MAP2K5: variants seen among roughly 807,000 people sequenced by gnomAD.
The protein encoded by MAP2K5 is dual specificity mitogen-activated protein kinase kinase 5.
Under a neutral mutation model 83.1 loss-of-function variants are expected in MAP2K5, and 49 were observed. The ratio of observed to expected loss-of-function variants is 0.59; its 90% confidence interval spans 0.47 to 0.75. The LOEUF is 0.75. Among genes scored for constraint, MAP2K5 ranks in the 30% least tolerant of loss-of-function variants. The probability of loss-of-function intolerance (pLI) is 0.00; values close to 1 mark genes in which losing one functional copy is unlikely to be tolerated. For synonymous variants in MAP2K5, 202 were observed against 191.8 expected (o/e 1.05, Z -0.44); for missense variants, 457 against 557.5 (o/e 0.82, Z 1.82).
chr15:67,662,819 T>C (rs926601350), intron 12 of MAP2K5, among the ~76,000 whole-genome samples: 9 of 152,192 alleles, frequency 5.9e-5, no homozygotes, highest in African/African-American at 1.9e-4. Flanking sequence ...TTTATTTCCT[T>C]GACCTGCCCT....
Position 67,802,680 on chromosome 15 carries a change from G to A in MAP2K5, c.1243-3966G>A, listed in dbSNP as rs1026731. Reference sequence around the variant, plus strand: ...GAAATGGTGCTAACATGCTTTCCGCGTGAAGGACGGAGGCCTAGATGCCTG... The same window carrying A: ...GAAATGGTGCTAACATGCTTTCCGCATGAAGGACGGAGGCCTAGATGCCTG... On this transcript the variant is annotated intron_variant, in intron 21 of 21. Coordinates refer to ENST00000178640, the MANE Select transcript of MAP2K5 (RefSeq NM_145160.3). The surrounding 1 kb of genome is among the most constrained non-coding windows in gnomAD (Gnocchi z 5.0). Among the ~76,000 whole-genome samples, 59,144 of 152,160 alleles carry A rather than the reference G, an allele frequency of 0.39. 12,321 individuals carry two copies. Among genetic ancestry groups the A allele is most frequent in the East Asian group, 0.7 (3,603 of 5,174 alleles).
chr15:67,590,816 C>T (rs181763646), intron 6 of MAP2K5, among the ~76,000 whole-genome samples: 2 of 152,240 alleles, frequency 1.3e-5, no homozygotes, highest in African/African-American at 4.8e-5. Context: ...ACTGCCACCA[C>T]AGTATAATAA....
chr15:67,557,616 C>T (rs1160643157), intron 2 of MAP2K5, among the ~76,000 whole-genome samples: 1 of 152,182 alleles, frequency 6.6e-6, no homozygotes, highest in Non-Finnish European at 1.5e-5. Flanking sequence ...CATTATGTCT[C>T]ATTTTAAATT....
At chr15:67,727,682 G>A (rs1206327128) in intron 16 of MAP2K5, among the ~76,000 whole-genome samples, 1 of 152,206 alleles carries the variant, frequency 6.6e-6, no homozygotes, top group African/African-American at 2.4e-5. Flanking sequence ...TAAGGATAAT[G>A]TTTTGTTATT....
chr15:67,628,886 A>G, intron 8 of MAP2K5: 2 of 748,996 alleles, frequency 2.7e-6, no homozygotes, highest in Middle Eastern at 3.7e-4. Context: ...ATATGGCGGC[A>G]GTGGGGATGG....
In MAP2K5 at chr15:67,806,654, G is replaced by A. The variant is rs947292921; in HGVS notation, c.1251G>A (p.Pro417=). ...CCTCCTCTTCCCCGCAGGGCCACCC[G>A]TTCATCGTGCAGTTCAATGATGGAA... is the stretch of plus-strand genomic sequence containing the variant. ...RPAPEELMGH[P]FIVQFNDGNA... is the part of the protein sequence containing the mutation. Residue 417 remains proline, a synonymous_variant, in exon 22 of 22, where the codon CCG becomes CCA. Coordinates refer to ENST00000178640, the MANE Select transcript of MAP2K5 (RefSeq NM_145160.3). 26 of 1,550,512 alleles carry A rather than the reference G, an allele frequency of 1.7e-5. No individual in the cohort carries two copies. Among genetic ancestry groups the A allele is most frequent in the East Asian group, 2.4e-5 (1 of 40,940 alleles).
intron 19 of MAP2K5, among the ~76,000 whole-genome samples, chr15:67,767,405 C>T (rs2141297696): frequency 6.6e-6 from 1 of 152,250 alleles, no homozygotes; most frequent in South Asian, 2.1e-4. Flanking sequence ...AGATAGCAGG[C>T]TTTTATTTTC....
Position 67,786,032 on chromosome 15 carries a change from A to G in MAP2K5, c.1242+13280A>G, listed in dbSNP as rs1418895578. Among the ~76,000 whole-genome samples the G allele has an allele frequency of 1.5e-4, 19 of 130,378 alleles. No individual in the cohort carries two copies. The highest frequency in any genetic ancestry group is 5.5e-4 in the African/African-American group (19 of 34,282). The allele number at this position is 130,378 out of a possible 152,430, so 85.5% of individuals were successfully genotyped here. A position where few individuals can be genotyped will look rare whatever the true frequency, so the allele number is the denominator to read the frequency against. ...GCTGTTAGGTTGTTTTTTTTTTTTT[A>G]ACTTACAGAAGATGGAGGTTATGAA... On this transcript the variant is annotated intron_variant, in intron 21 of 21. Coordinates refer to ENST00000178640, the MANE Select transcript of MAP2K5 (RefSeq NM_145160.3). The surrounding 1 kb of genome is among the most constrained non-coding windows in gnomAD (Gnocchi z 4.7).
chr15:67,562,648 A>T lies in MAP2K5; in HGVS notation c.185-635A>T, dbSNP rs2084759421. 6.6e-6 allele frequency among the ~76,000 whole-genome samples: 1 copy of T among 152,202 alleles called. No individual in the cohort carries two copies. Among genetic ancestry groups the T allele is most frequent in the Admixed American group, 6.5e-5 (1 of 15,272 alleles). On this transcript the variant is annotated intron_variant, in intron 2 of 21. Coordinates refer to ENST00000178640, the MANE Select transcript of MAP2K5 (RefSeq NM_145160.3). This position sits in a 1 kb window ranked among gnomAD's most constrained non-coding sequence, Gnocchi z 4.1. Reference sequence around the variant, plus strand: ...AACAAGTGAAACTGTTCGGAAAAAGAGCTGCTAAATAGAATGGGGGAGACC... The same window carrying T: ...AACAAGTGAAACTGTTCGGAAAAAGTGCTGCTAAATAGAATGGGGGAGACC...
In MAP2K5 at chr15:67,543,550, C is replaced by G; in HGVS notation, c.135+80C>G. 5.2e-6 allele frequency: 8 copies of G among 1,540,660 alleles called. No homozygotes were observed. Among genetic ancestry groups the G allele is most frequent in the Non-Finnish European group, 7.1e-6 (8 of 1,120,376 alleles). On this transcript the variant is annotated intron_variant, in intron 1 of 21. Coordinates refer to ENST00000178640, the MANE Select transcript of MAP2K5 (RefSeq NM_145160.3). This position sits in a 1 kb window ranked among gnomAD's most constrained non-coding sequence, Gnocchi z 4.3. The stretch of plus-strand genomic sequence containing the variant: ...TAGTCAGCACCTTGACCACTGGTGA[C>G]CTGAGCCAGTGGCAATGGCTACTGC...
chr15:67,703,904 C>T (rs2088484084), intron 16 of MAP2K5, among the ~76,000 whole-genome samples: 1 of 151,872 alleles, frequency 6.6e-6, no homozygotes, highest in Non-Finnish European at 1.5e-5. Context: ...AAAAAAAAAT[C>T]ACCTCATTCC....
chr15:67,631,795 T>C (rs1434138483), intron 9 of MAP2K5, among the ~76,000 whole-genome samples: 2 of 152,238 alleles, frequency 1.3e-5, no homozygotes, highest in Non-Finnish European at 2.9e-5. Flanking sequence ...ATTTCCTTAA[T>C]GGACTCTGTC....
chr15:67,646,133 A>C (rs2086826501), intron 9 of MAP2K5, 98 bp from the exon 10 acceptor site: 1 of 564,098 alleles, frequency 1.8e-6, no homozygotes, highest in Non-Finnish European at 3.1e-6. Context: ...GGTGGGGAAG[A>C]ATAAAGGAAC....
At chr15:67,791,054 T>C (rs1026120064) in intron 21 of MAP2K5, among the ~76,000 whole-genome samples, 1 of 152,206 alleles carries the variant, frequency 6.6e-6, no homozygotes, top group Non-Finnish European at 1.5e-5. Context: ...ACGCCATGAA[T>C]AGTCCACCTG....
intron 8 of MAP2K5, among the ~76,000 whole-genome samples, chr15:67,620,946 C>A (rs1048405434): frequency 6.6e-6 from 1 of 151,854 alleles, no homozygotes; most frequent in African/African-American, 2.4e-5. Context: ...AGAAATAAAT[C>A]CAAATATATC....
intron 11 of MAP2K5, among the ~76,000 whole-genome samples, chr15:67,657,303 C>T (rs1213249635): frequency 6.6e-6 from 1 of 151,980 alleles, no homozygotes; most frequent in Non-Finnish European, 1.5e-5. Flanking sequence ...GGGTTTTCAC[C>T]TCCTAGTTTT....
chr15:67,608,449 T>C (rs1242641865), intron 8 of MAP2K5, among the ~76,000 whole-genome samples: 1 of 152,136 alleles, frequency 6.6e-6, no homozygotes, highest in Non-Finnish European at 1.5e-5. Context: ...AAAACTTGTG[T>C]CTGGATAGAT....
chr15:67,554,530 G>C (rs529275619), intron 2 of MAP2K5, among the ~76,000 whole-genome samples: 9 of 152,296 alleles, frequency 5.9e-5, no homozygotes, highest in Non-Finnish European at 1.0e-4. Flanking sequence ...GTGGAAAAGA[G>C]GGGAAAGGTC....
chr15:67,628,214 GC>G, intron 8 of MAP2K5: 1 of 725,156 alleles, frequency 1.4e-6, no homozygotes, highest in Non-Finnish European at 2.4e-6. Flanking sequence ...GGGTGCAGTG[GC>G]CCATGCCTGT....
Sources: allele counts gnomAD v4.1 joint callset (sites outside exome capture counted in the v4.1 genomes callset), GRCh38; gene constraint gnomAD v4.1.1; non-coding constraint Gnocchi (gnomAD v3.1); transcripts MANE v1.5; gene names NCBI Gene and HGNC (gene_info 2026-07-23, HGNC 2026-07-21).